RNF32: variants seen among roughly 807,000 people sequenced by gnomAD.
RNF32 encodes the protein ring finger protein 32.
A neutral mutation model predicts 41.0 loss-of-function variants in RNF32; 36 were observed. The observed-to-expected ratio is 0.88, with a 90% CI of 0.67 to 1.16. RNF32 has a LOEUF of 1.16. RNF32 is among the 50% of genes most tolerant of loss of function. The probability of loss-of-function intolerance (pLI) is 0.00; values close to 1 mark genes in which losing one functional copy is unlikely to be tolerated. For synonymous variants in RNF32, 154 were observed against 160.9 expected (o/e 0.96, Z 0.32); for missense variants, 413 against 436.7 (o/e 0.95, Z 0.48).
chr7:156,672,337 C>T (rs1802723254), intron 7 of RNF32, among the ~76,000 whole-genome samples: 1 of 152,100 alleles, frequency 6.6e-6, no homozygotes, highest in Admixed American at 6.5e-5. Context: ...GATGCTATTA[C>T]CAGCGTTAAG....
intron 3 of RNF32, among the ~76,000 whole-genome samples, chr7:156,651,708 T>C (rs1255861946): frequency 6.6e-6 from 1 of 152,250 alleles, no homozygotes; most frequent in African/African-American, 2.4e-5. Context: ...TGGTGTTCTA[T>C]ATTACAGTTT....
chr7:156,662,507 G>C (rs1415972796), intron 7 of RNF32, among the ~76,000 whole-genome samples: 1 of 152,064 alleles, frequency 6.6e-6, no homozygotes, highest in African/African-American at 2.4e-5. Flanking sequence ...CTGAGCATTT[G>C]AATCAGTGGA....
chr7:156,658,451 C>T lies in RNF32; in HGVS notation c.576-11C>T. 1.3e-6 allele frequency: 2 copies of T among 1,599,226 alleles called. No individual in the cohort carries two copies. The highest frequency in any genetic ancestry group is 1.1e-5 in the South Asian group (1 of 90,638). On this transcript the variant is annotated splice_polypyrimidine_tract_variant and intron_variant, in intron 6 of 8. Transcript: ENST00000317955. Reference sequence around the variant, plus strand: ...TCATAAATTAGTCATTTTCAAATATCTGTGTTTTAGAATCCAAGCCTACTG... The same window carrying T: ...TCATAAATTAGTCATTTTCAAATATTTGTGTTTTAGAATCCAAGCCTACTG...
intron 7 of RNF32, among the ~76,000 whole-genome samples, chr7:156,665,874 A>C (rs1563090533): frequency 6.6e-6 from 1 of 152,260 alleles, no homozygotes; most frequent in Non-Finnish European, 1.5e-5. Flanking sequence ...TCATTGTGTA[A>C]AAGAAAGACC....
In RNF32 at chr7:156,669,471, C is replaced by A. The variant is rs928423825; in HGVS notation, c.685-6225C>A. Among the ~76,000 whole-genome samples the A allele has an allele frequency of 3.9e-5, 6 of 152,124 alleles. No homozygotes were observed. Among genetic ancestry groups the A allele is most frequent in the African/African-American group, 1.4e-4 (6 of 41,428 alleles). On this transcript the variant is annotated intron_variant, in intron 7 of 8. Coordinates refer to ENST00000317955, the MANE Select transcript of RNF32 (RefSeq NM_030936.4). This position sits in a 1 kb window ranked among gnomAD's most constrained non-coding sequence, Gnocchi z 4.2. ...GGAGGAACCGTGCCGTTCCCTGGAA[C>A]CTCTGTCCAGGCAGAGGGCAGCACG...
At chr7:156,673,906 TAAA>T (rs3030984) in intron 7 of RNF32, among the ~76,000 whole-genome samples, 1 of 100,816 alleles carries the variant, frequency 9.9e-6, no homozygotes, top group Non-Finnish European at 2.1e-5. Flanking sequence ...TCCACATTAA[TAAA>T]AAAAAAAAAA....
chr7:156,660,469 T>G (rs140685356), intron 7 of RNF32: 40 of 212,070 alleles, frequency 1.9e-4, no homozygotes, highest in African/African-American at 9.2e-4. Context: ...AAAACTGATT[T>G]TTTATTTTTT....
At chr7:156,652,122 TTTGA>T (rs989336124) in intron 3 of RNF32, among the ~76,000 whole-genome samples, 2 of 152,220 alleles carry the variant, frequency 1.3e-5, no homozygotes, top group Non-Finnish European at 2.9e-5. Context: ...TTTTCTCACA[TTTGA>T]TTGATAGCTA....
chr7:156,661,024 G>T (rs1257815598), intron 7 of RNF32, among the ~76,000 whole-genome samples: 1 of 152,220 alleles, frequency 6.6e-6, no homozygotes, highest in African/African-American at 2.4e-5. Flanking sequence ...GGAGTCAGCA[G>T]AAGGGAATCT....
At chr7:156,676,327 T>A in intron 8 of RNF32, 92 bp from the exon 9 acceptor site, 1 of 1,613,034 alleles carries the variant, frequency 6.2e-7, no homozygotes, top group African/African-American at 1.3e-5. Flanking sequence ...AAGACCCATG[T>A]CTCGGGGCAC....
intron 4 of RNF32, among the ~76,000 whole-genome samples, chr7:156,655,471 T>C (rs2131464343): frequency 6.6e-6 from 1 of 152,340 alleles, no homozygotes; most frequent in East Asian, 1.9e-4. Flanking sequence ...TTACGCTTCC[T>C]GCATAGCAGG....
intron 7 of RNF32, chr7:156,659,134 A>G: frequency 7.5e-7 from 1 of 1,340,888 alleles, no homozygotes; most frequent in Non-Finnish European, 9.5e-7. Flanking sequence ...TCCCCATATG[A>G]AAAGGACAGT....
Position 156,676,650 on chromosome 7 carries a change from T to G in RNF32, c.1084T>G (p.Cys362Gly), listed in dbSNP as rs748625528. 1.7e-5 allele frequency: 28 copies of G among 1,612,278 alleles called. 1 individual carries two copies. The East Asian group carries it at 6.2e-4, about 36-fold the overall frequency. ...CTGCTACCAGAAGAAGATTCTTGAA[T>G]GTTGAATTCATAGTCAAGGAAAGTT... ...RSCYQKKILE[C>G] Residue 362 changes from cysteine (C) to glycine (G), a missense_variant, in exon 9 of 9, where the codon TGT becomes GGT. Transcript: ENST00000317955.
At chr7:156,676,307 G>C (rs550976049) in intron 8 of RNF32, 112 bp from the exon 9 acceptor site, 1 of 1,608,104 alleles carries the variant, frequency 6.2e-7, no homozygotes, top group South Asian at 1.1e-5. Context: ...TGAAACTTCC[G>C]CATGTTTCGA....
intron 1 of RNF32, 151 bp from the exon 2 acceptor site, chr7:156,643,650 C>T (rs1428055479): frequency 1.4e-5 from 8 of 571,938 alleles, no homozygotes; most frequent in Non-Finnish European, 1.9e-5. Flanking sequence ...CACCCCCTTC[C>T]TCCAGAACCA....
chr7:156,658,087 G>C (rs754736206), intron 5 of RNF32, 41 bp from the exon 6 acceptor site: 1 of 1,588,936 alleles, frequency 6.3e-7, no homozygotes, highest in Non-Finnish European at 8.6e-7. Flanking sequence ...TTGTTTATAA[G>C]TAATTACTTG....
chr7:156,643,506 G>A (rs1310500756), intron 1 of RNF32, among the ~76,000 whole-genome samples: 2 of 152,146 alleles, frequency 1.3e-5, no homozygotes, highest in African/African-American at 4.8e-5. Flanking sequence ...AAGTTTTGTA[G>A]TACTTATGTA....
In RNF32 at chr7:156,669,693, C is replaced by A. The variant is rs1051429246; in HGVS notation, c.685-6003C>A. 1.3e-5 allele frequency among the ~76,000 whole-genome samples: 2 copies of A among 152,208 alleles called. No individual in the cohort carries two copies. The highest frequency in any genetic ancestry group is 2.4e-5 in the African/African-American group (1 of 41,454). On this transcript the variant is annotated intron_variant, in intron 7 of 8. Coordinates refer to ENST00000317955, the MANE Select transcript of RNF32 (RefSeq NM_030936.4). The surrounding 1 kb of genome is among the most constrained non-coding windows in gnomAD (Gnocchi z 4.2). ...GGATGCGAGGTCAGCAGCTGGGACC[C>A]AGACCAAAGAGGGTGAAGAGGGCAG...
In RNF32 at chr7:156,656,769, C is replaced by G. The variant is rs187532040; in HGVS notation, c.418-772C>G. Among the ~76,000 whole-genome samples the G allele has an allele frequency of 4.6e-5, 7 of 152,344 alleles. No homozygotes were observed. In the East Asian group the frequency reaches 1.3e-3, roughly 29 times the overall value. The stretch of plus-strand genomic sequence containing the variant: ...GGGAAAACCCTTCGCCTGACCCCAC[C>G]GCTTTGCTCAGTCTCACAAGTTTCC... On this transcript the variant is annotated intron_variant, in intron 4 of 8. Coordinates refer to ENST00000317955, the MANE Select transcript of RNF32 (RefSeq NM_030936.4).
Sources: allele counts gnomAD v4.1 joint callset (sites outside exome capture counted in the v4.1 genomes callset), GRCh38; gene constraint gnomAD v4.1.1; non-coding constraint Gnocchi (gnomAD v3.1); transcripts MANE v1.5; gene names NCBI Gene and HGNC (gene_info 2026-07-23, HGNC 2026-07-21).